STARD8: variants seen among roughly 807,000 people sequenced by gnomAD.
STARD8 encodes StAR related lipid transfer domain containing 8, also known as stAR-related lipid transfer protein 8.
A neutral mutation model predicts 69.4 loss-of-function variants in STARD8; 25 were observed. The ratio of observed to expected loss-of-function variants is 0.36; its 90% CI spans 0.26 to 0.50. The LOEUF is 0.50. Among genes scored for constraint, STARD8 ranks in the 20% least tolerant of loss-of-function variants. STARD8 has a pLI of 0.96. For missense variants in STARD8, 921 were observed against 932.5 expected, an observed-to-expected ratio of 0.99 and a Z score of 0.16; for synonymous variants, 389 against 374.6, an observed-to-expected ratio of 1.04 and a Z score of -0.45.
rs758082860 is a variant in STARD8 at position 68,710,280 on chromosome X, G to A, written c.80-2634G>A. On this transcript the variant is annotated intron_variant, in intron 2 of 14. Transcript: ENST00000374599. ...GCAGATCAATTAAGCCAGCCTTCTG[G>A]GGAAGGGGCCCTGGGCACTGGTATT... 5.3e-5 allele frequency among the ~76,000 whole-genome samples: 6 copies of A among 112,367 alleles called. No individual in the cohort carries two copies. The South Asian group carries it at 2.2e-3, about 42-fold the overall frequency.
chrX:68,652,963 CACCA>C (rs2079565210), intron 1 of STARD8, among the ~76,000 whole-genome samples: 3 of 66,686 alleles, frequency 4.5e-5, no homozygotes, highest in Non-Finnish European at 5.7e-5. Flanking sequence ...CACACACACA[CACCA>C]CACACCACAC....
chrX:68,685,899 C>A (rs1157579836), intron 2 of STARD8, among the ~76,000 whole-genome samples: 1 of 112,052 alleles, frequency 8.9e-6, no homozygotes, highest in African/African-American at 3.3e-5. Flanking sequence ...AAAGGGAGGC[C>A]GAGGAGTGAG....
rs201097766 is a variant in STARD8, at chrX:68,724,074, C to T, written c.3147C>T (p.Cys1049=). The T allele has an allele frequency of 6.5e-5, 79 of 1,210,312 alleles. No homozygotes were observed. Among genetic ancestry groups the T allele is most frequent in the Admixed American group, 4.4e-5 (2 of 45,934 alleles). ...MLTSQYLMEP[C]GLGRSRLTHI... ...CATCCCAGTACCTCATGGAGCCTTG[C>T]GGCTTGGGCCGCTCTCGGCTCACAC... Residue 1049 remains cysteine, a synonymous_variant, in exon 14 of 15, where the codon TGC becomes TGT. Transcript: ENST00000374599.
intron 2 of STARD8, among the ~76,000 whole-genome samples, chrX:68,666,032 T>C (rs2079681447): frequency 1.8e-5 from 2 of 111,787 alleles, no homozygotes; most frequent in Non-Finnish European, 3.8e-5. Context: ...GTGATATATA[T>C]AGCCTTTTCC....
chrX:68,710,573 G>C (rs1413315624), intron 2 of STARD8, among the ~76,000 whole-genome samples: 2 of 112,145 alleles, frequency 1.8e-5, no homozygotes, highest in Non-Finnish European at 3.8e-5. Context: ...ATTGACCTGA[G>C]TGAGATGGTC....
At position 68,721,184 on chromosome X, in the gene STARD8, A is replaced by G. The variant is rs1177833356; in HGVS notation, c.2248+62A>G. On this transcript the variant is annotated intron_variant, in intron 9 of 14. Transcript: ENST00000374599. ...ATTCTCAACCTCCCTGAATCCCAGAACTTGTGGAAGATAAACCTGGTGCAG... is the reference window on the plus strand; with the variant it reads ...ATTCTCAACCTCCCTGAATCCCAGAGCTTGTGGAAGATAAACCTGGTGCAG... The G allele has an allele frequency of 3.3e-5, 38 of 1,148,434 alleles. No individual in the cohort carries two copies. In the East Asian group the frequency reaches 7.2e-4, roughly 22 times the overall value. 94.6% of individuals were successfully genotyped at this position (1,148,434 alleles called of 1,213,427 possible).
chrX:68,720,062 T>C (rs1244528866), intron 7 of STARD8, among the ~76,000 whole-genome samples: 1 of 112,352 alleles, frequency 8.9e-6, no homozygotes, highest in African/African-American at 3.2e-5. Flanking sequence ...TTGACACAGT[T>C]ATCTCCTTGG....
intron 2 of STARD8, among the ~76,000 whole-genome samples, chrX:68,709,164 A>G (rs898674943): frequency 2.7e-5 from 3 of 112,510 alleles, no homozygotes; most frequent in African/African-American, 6.5e-5. Flanking sequence ...GTAATAACCC[A>G]TTACATTCTC....
chrX:68,653,070 C>T (rs997983376), intron 1 of STARD8, among the ~76,000 whole-genome samples: 1 of 16,749 alleles, frequency 6.0e-5, no homozygotes, highest in Non-Finnish European at 1.1e-4. Flanking sequence ...CACCACACAC[C>T]ACACACACAC....
chrX:68,677,689 G>A (rs999332320), intron 2 of STARD8, among the ~76,000 whole-genome samples: 51 of 111,353 alleles, frequency 4.6e-4, no homozygotes, highest in African/African-American at 1.6e-3. Flanking sequence ...CCTCCACCAA[G>A]TGGGCACTGG....
chrX:68,663,676 C>G (rs2079664458), intron 1 of STARD8, among the ~76,000 whole-genome samples: 1 of 111,288 alleles, frequency 9.0e-6, no homozygotes, highest in African/African-American at 3.3e-5. Context: ...CATTTAAGAC[C>G]TCACAGGGGC....
intron 2 of STARD8, among the ~76,000 whole-genome samples, chrX:68,680,969 G>A (rs1232336006): frequency 1.8e-5 from 2 of 111,134 alleles, no homozygotes; most frequent in Admixed American, 9.6e-5. Context: ...CTGAGGCTCA[G>A]AGGAGTTCTA....
intron 1 of STARD8, among the ~76,000 whole-genome samples, chrX:68,661,966 CTCTCTCTT>C (rs1413186707): frequency 1.7e-3 from 124 of 71,917 alleles, no homozygotes; most frequent in Non-Finnish European, 1.8e-3. Flanking sequence ...CTCTCTCTCT[CTCTCTCTT>C]TCTTTCTTTC....
At chrX:68,723,901 A>G in intron 13 of STARD8, 44 bp from the exon 14 acceptor site, 1 of 1,207,498 alleles carries the variant, frequency 8.3e-7, no homozygotes. Context: ...GTGGGGTGGA[A>G]ACCAGCACTA....
chrX:68,706,824 T>A (rs1035500003), intron 2 of STARD8, among the ~76,000 whole-genome samples: 1 of 113,280 alleles, frequency 8.8e-6, no homozygotes, highest in South Asian at 3.6e-4. Flanking sequence ...CAGCACCTTC[T>A]CCTTAAGAGG....
At chrX:68,698,290 G>C (rs2079937984) in intron 2 of STARD8, among the ~76,000 whole-genome samples, 1 of 111,430 alleles carries the variant, frequency 9.0e-6, no homozygotes, top group African/African-American at 3.3e-5. Context: ...AGTTAAAAAG[G>C]GGTAGGGGGG....
rs758928711 is a variant in STARD8 at position 68,693,717 on chromosome X, G to T, written c.80-19197G>T. The stretch of plus-strand genomic sequence containing the variant: ...CTGGCTGGCACCGTCACCCCTGCCC[G>T]ACCCCAGGCCCCGCGTGTGTCCCGG... On this transcript the variant is annotated intron_variant, in intron 2 of 14. Coordinates refer to ENST00000374599, the MANE Select transcript of STARD8 (RefSeq NM_001142503.3). The T allele has an allele frequency of 1.9e-4, 140 of 753,753 alleles. No individual in the cohort carries two copies. In the African/African-American group the frequency reaches 3.0e-3, roughly 16 times the overall value. 62.1% of individuals were successfully genotyped at this position (753,753 alleles called of 1,213,427 possible). A position where few individuals can be genotyped will look rare whatever the true frequency, so the allele number is the denominator to read the frequency against.
Position 68,721,645 on chromosome X carries a change from C to A in STARD8, c.2358C>A (p.Ala786=), listed in dbSNP as rs1375501389. The change falls in exon 10 of 15, where the codon GCC becomes GCA. Residue 786 remains alanine, a synonymous_variant. Coordinates refer to ENST00000374599, the MANE Select transcript of STARD8 (RefSeq NM_001142503.3). ...QTLLYFLSDI[A]SAEENQMTAG... ...TGCTCTACTTCTTAAGTGACATTGC[C>A]TCTGCCGAGGAAAACCAGATGACAG... The A allele has an allele frequency of 8.3e-7, 1 of 1,210,918 alleles. No individual in the cohort carries two copies. The highest frequency in any genetic ancestry group is 1.1e-6 in the Non-Finnish European group (1 of 895,427).
chrX:68,709,089 G>A (rs985929089), intron 2 of STARD8, among the ~76,000 whole-genome samples: 1 of 111,747 alleles, frequency 8.9e-6, no homozygotes, highest in African/African-American at 3.3e-5. Flanking sequence ...AGGGAGCCTC[G>A]GGGCCTCCCA....
Sources: allele counts gnomAD v4.1 joint callset (sites outside exome capture counted in the v4.1 genomes callset), GRCh38; gene constraint gnomAD v4.1.1; transcripts MANE v1.5; gene names NCBI Gene and HGNC (gene_info 2026-07-23, HGNC 2026-07-21).